ASB13: variants seen among roughly 807,000 people sequenced by gnomAD.
ASB13 encodes ankyrin repeat and SOCS box protein 13.
A neutral mutation model predicts 28.8 loss-of-function variants in ASB13; 33 were observed. The ratio of observed to expected loss-of-function variants is 1.15; its 90% CI spans 0.87 to 1.53. ASB13 has a LOEUF of 1.53. ASB13 is among the 40% of genes most tolerant of loss of function. The pLI is 0.00. For missense variants in ASB13, 414 were observed against 390.1 expected (o/e 1.06, Z -0.52); for synonymous variants, 182 against 172.9 (o/e 1.05, Z -0.41).
At position 5,651,827 on chromosome 10, in the gene ASB13, C is replaced by A. The variant is rs563265943; in HGVS notation, c.232-464G>T. Among the ~76,000 whole-genome samples the A allele has an allele frequency of 1.0e-3, 146 of 145,764 alleles. No homozygotes were observed. Among genetic ancestry groups the A allele is most frequent in the African/African-American group, 3.6e-3 (136 of 38,242 alleles). On this transcript the variant is annotated intron_variant, in intron 2 of 5. Coordinates refer to ENST00000357700, the MANE Select transcript of ASB13 (RefSeq NM_024701.4). The surrounding 1 kb of genome is among the most constrained non-coding windows in gnomAD (Gnocchi z 5.1). ...GACCAGCCTGGGCAACATGGCGAAA[C>A]CCTGTCTCTACAAAAAATACAAAAA...
rs1003289744 is a variant in ASB13, at chr10:5,645,550, C to G, written c.517+3420G>C. On this transcript the variant is annotated intron_variant, in intron 4 of 5. Transcript: ENST00000357700. The surrounding 1 kb of genome is among the most constrained non-coding windows in gnomAD (Gnocchi z 5.4). The stretch of plus-strand genomic sequence containing the variant: ...AGAACAAGAACAACGGTCTCCACGT[C>G]CCCCGTGGGGTGCAACGTGGCTCTG... Among the ~76,000 whole-genome samples, 1 of 152,200 alleles carries G rather than the reference C, an allele frequency of 6.6e-6. No homozygotes were observed. Among genetic ancestry groups the G allele is most frequent in the Non-Finnish European group, 1.5e-5 (1 of 68,036 alleles).
chr10:5,644,647 G>A lies in ASB13; in HGVS notation c.518-2686C>T, dbSNP rs1245252324. Among the ~76,000 whole-genome samples, 22 of 151,958 alleles carry A rather than the reference G, an allele frequency of 1.4e-4. No individual in the cohort carries two copies. The highest frequency in any genetic ancestry group is 1.2e-4 in the African/African-American group (5 of 41,360). On this transcript the variant is annotated intron_variant, in intron 4 of 5. Transcript: ENST00000357700. This position sits in a 1 kb window ranked among gnomAD's most constrained non-coding sequence, Gnocchi z 5.1. ...AGCCTAGCCAATATGGTGAAACCTC[G>A]TCTCTACTAAAAATCCAAAAATTAC...
Position 5,661,884 on chromosome 10 carries a change from T to C in ASB13, c.43+4625A>G, listed in dbSNP as rs942706203. Among the ~76,000 whole-genome samples the C allele has an allele frequency of 3.3e-5, 5 of 152,122 alleles. No homozygotes were observed. Among genetic ancestry groups the C allele is most frequent in the African/African-American group, 4.8e-5 (2 of 41,424 alleles). On this transcript the variant is annotated intron_variant, in intron 1 of 5. Transcript: ENST00000357700. The surrounding 1 kb of genome is among the most constrained non-coding windows in gnomAD (Gnocchi z 4.9). The stretch of plus-strand genomic sequence containing the variant: ...GAGTCTGGGGTCCTGGCTGCAGAAA[T>C]GTCATTTCTGCGTCAAAAACAACCA...
rs1176296412 is a variant in ASB13, at chr10:5,655,680, C to G, written c.44-2630G>C. Among the ~76,000 whole-genome samples, 1 of 152,194 alleles carries G rather than the reference C, an allele frequency of 6.6e-6. No homozygotes were observed. The highest frequency in any genetic ancestry group is 2.4e-5 in the African/African-American group (1 of 41,454). On this transcript the variant is annotated intron_variant, in intron 1 of 5. Transcript: ENST00000357700. The surrounding 1 kb of genome is among the most constrained non-coding windows in gnomAD (Gnocchi z 6.2). ...CCTCAGCCCCACCAGTAGTAATGAACAGTAACCCACTGCCCTCCTGAGGTT... is the reference window on the plus strand; with the variant it reads ...CCTCAGCCCCACCAGTAGTAATGAAGAGTAACCCACTGCCCTCCTGAGGTT...
In ASB13 at chr10:5,658,420, GA is replaced by G. The variant is rs140151394; in HGVS notation, c.44-5371del. ...CACTACGGCCTGGGTGACTTTGTCTGAAAAAAAAAAAAAAAACAAAACCAAA... is the reference window on the plus strand; with the variant it reads ...CACTACGGCCTGGGTGACTTTGTCTGAAAAAAAAAAAAAAACAAAACCAAA... On this transcript the variant is annotated intron_variant, in intron 1 of 5. Coordinates refer to ENST00000357700, the MANE Select transcript of ASB13 (RefSeq NM_024701.4). The surrounding 1 kb of genome is among the most constrained non-coding windows in gnomAD (Gnocchi z 4.2). Among the ~76,000 whole-genome samples, 12,740 of 131,518 alleles carry G rather than the reference GA, an allele frequency of 0.097. 539 individuals are homozygous for G. Among genetic ancestry groups the G allele is most frequent in the African/African-American group, 0.14 (4,882 of 33,752 alleles). 86.3% of individuals were successfully genotyped at this position (131,518 alleles called of 152,430 possible).
chr10:5,651,246 T>C lies in ASB13; in HGVS notation c.349A>G (p.Thr117Ala). 5 of 1,613,616 alleles carry C rather than the reference T, an allele frequency of 3.1e-6. No individual in the cohort carries two copies. Among genetic ancestry groups the C allele is most frequent in the Non-Finnish European group, 3.4e-6 (4 of 1,179,748 alleles). ...CAGGCCTCGTGCAGGGGGGACGCTG[T>C]GTACAGGGGAGGGTTGACCTTGGCC... The part of the protein sequence containing the change: ...YGAKVNPPLY[T>A]ASPLHEACMS... The change falls in exon 3 of 6, where the codon ACA (threonine) becomes GCA (alanine). Residue 117 changes from threonine (T) to alanine (A), a missense_variant. Thr to Ala is a moderately conservative substitution (Grantham distance 58, BLOSUM62 0). Transcript: ENST00000357700. The surrounding 1 kb of genome is among the most constrained non-coding windows in gnomAD (Gnocchi z 5.1).
At position 5,642,600 on chromosome 10, in the gene ASB13, G is replaced by A. The variant is rs1834826566; in HGVS notation, c.518-639C>T. 1.0e-6 allele frequency: 1 copy of A among 986,338 alleles called. No individual in the cohort carries two copies. Among genetic ancestry groups the A allele is most frequent in the African/African-American group, 1.7e-5 (1 of 57,748 alleles). 61.1% of individuals were successfully genotyped at this position (986,338 alleles called of 1,614,324 possible). A position where few individuals can be genotyped will look rare whatever the true frequency, so the allele number is the denominator to read the frequency against. On this transcript the variant is annotated intron_variant, in intron 4 of 5. Coordinates refer to ENST00000357700, the MANE Select transcript of ASB13 (RefSeq NM_024701.4). The surrounding 1 kb of genome is among the most constrained non-coding windows in gnomAD (Gnocchi z 4.1). ...AAAAAATTTTTTTTTAAAAAAAAGA[G>A]CAGACATTCAGAAAGATGCAAGGAA...
intron 1 of ASB13, 56 bp downstream of exon 1, chr10:5,666,453 G>A (rs1399111622): frequency 4.8e-6 from 6 of 1,257,444 alleles, no homozygotes; most frequent in Non-Finnish European, 6.0e-6. Flanking sequence ...ATACGCGGCC[G>A]GCCTCAGGAG....
Position 5,652,933 on chromosome 10 carries a change from G to A in ASB13, c.161C>T (p.Thr54Met), listed in dbSNP as rs764527518. 9 of 1,583,462 alleles carry A rather than the reference G, an allele frequency of 5.7e-6. No homozygotes were observed. The highest frequency in any genetic ancestry group is 2.3e-5 in the South Asian group (2 of 86,426). Residue 54 changes from threonine to methionine, a missense_variant, in exon 2 of 6, where the codon ACG (threonine) becomes ATG (methionine). Physicochemically the swap from Thr to Met is moderately conservative, Grantham distance 81 (BLOSUM62 -1). Coordinates refer to ENST00000357700, the MANE Select transcript of ASB13 (RefSeq NM_024701.4). The surrounding 1 kb of genome is among the most constrained non-coding windows in gnomAD (Gnocchi z 5.0). ...CTGCAGACTGGCTGCGTGCAGGGGC[G>A]TGATGGAGTCCACGGTGACCTGGTT... ...CVNQVTVDSI[T>M]PLHAASLQGQ...
In ASB13 at chr10:5,640,653, G is replaced by A; in HGVS notation, c.*50C>T. 6.2e-7 allele frequency: 1 copy of A among 1,610,834 alleles called. No individual in the cohort carries two copies. The highest frequency in any genetic ancestry group is 1.1e-5 in the South Asian group (1 of 90,902). ...AGGAACAGGCAGAGCCCTCACCCGGGCAATGCTGGGCACAACGGGGGCAGC... is the reference window on the plus strand; with the variant it reads ...AGGAACAGGCAGAGCCCTCACCCGGACAATGCTGGGCACAACGGGGGCAGC... On this transcript the variant is annotated 3_prime_UTR_variant, in exon 6 of 6. Transcript: ENST00000357700.
chr10:5,658,914 C>T lies in ASB13; in HGVS notation c.44-5864G>A, dbSNP rs895340891. 1.3e-5 allele frequency among the ~76,000 whole-genome samples: 2 copies of T among 152,104 alleles called. No individual in the cohort carries two copies. Among genetic ancestry groups the T allele is most frequent in the Admixed American group, 1.3e-4 (2 of 15,272 alleles). ...CCTGACACCCCCAAACCACCGATGG[C>T]CCTTCCAGGGGGCGAAGAGACCCAC... is the stretch of plus-strand genomic sequence containing the variant. On this transcript the variant is annotated intron_variant, in intron 1 of 5. Transcript: ENST00000357700. This position sits in a 1 kb window ranked among gnomAD's most constrained non-coding sequence, Gnocchi z 4.2.
In ASB13 at chr10:5,641,574, GC is replaced by G. The variant is rs1162040688; in HGVS notation, c.709+195del. On this transcript the variant is annotated intron_variant, in intron 5 of 5. Coordinates refer to ENST00000357700, the MANE Select transcript of ASB13 (RefSeq NM_024701.4). This position sits in a 1 kb window ranked among gnomAD's most constrained non-coding sequence, Gnocchi z 8.4. The stretch of plus-strand genomic sequence containing the variant: ...CAGCTTCTGCTGCTCCACGCCACGG[GC>G]CACAGGGAACCCAGGGAGAGCTGGG... 6.6e-6 allele frequency among the ~76,000 whole-genome samples: 1 copy of G among 152,106 alleles called. No individual in the cohort carries two copies. The highest frequency in any genetic ancestry group is 1.5e-5 in the Non-Finnish European group (1 of 68,006).
At chr10:5,662,541 GA>G (rs780966208) in intron 1 of ASB13, among the ~76,000 whole-genome samples, 914 of 27,182 alleles carry the variant, frequency 0.034, 22 homozygotes, top group Non-Finnish European at 0.048. Context: ...AAGGGGGGGG[GA>G]GGGGAGGGGA....
At chr10:5,657,136 G>A (rs893114844) in intron 1 of ASB13, among the ~76,000 whole-genome samples, 1 of 152,128 alleles carries the variant, frequency 6.6e-6, no homozygotes, top group Non-Finnish European at 1.5e-5. Flanking sequence ...ATCAGCTGCT[G>A]TAGTCTTACT....
chr10:5,662,244 C>T (rs1188745963), intron 1 of ASB13, among the ~76,000 whole-genome samples: 1 of 151,950 alleles, frequency 6.6e-6, no homozygotes, highest in Non-Finnish European at 1.5e-5. Flanking sequence ...ATGGGCTGGG[C>T]GCAGTGGCTC....
intron 4 of ASB13, among the ~76,000 whole-genome samples, chr10:5,646,469 T>A (rs1834887625): frequency 6.6e-6 from 1 of 152,178 alleles, no homozygotes; most frequent in Non-Finnish European, 1.5e-5. Flanking sequence ...CGTGTAGGCC[T>A]GAAGCCACTG....
rs1027230917 is a variant in ASB13, at chr10:5,664,368, T to C, written c.43+2141A>G. On this transcript the variant is annotated intron_variant, in intron 1 of 5. Coordinates refer to ENST00000357700, the MANE Select transcript of ASB13 (RefSeq NM_024701.4). This position sits in a 1 kb window ranked among gnomAD's most constrained non-coding sequence, Gnocchi z 4.2. The stretch of plus-strand genomic sequence containing the variant: ...ACCTGAGGGGCCTAAGAAGACTGTC[T>C]GGGGATAAATTAGGGATTAGGCATG... Among the ~76,000 whole-genome samples the C allele has an allele frequency of 6.6e-6, 1 of 151,852 alleles. No homozygotes were observed. The highest frequency in any genetic ancestry group is 1.5e-5 in the Non-Finnish European group (1 of 67,976).
rs1236072425 is a variant in ASB13, at chr10:5,658,508, T to C, written c.44-5458A>G. Among the ~76,000 whole-genome samples the C allele has an allele frequency of 6.6e-6, 1 of 151,774 alleles. No individual in the cohort carries two copies. The highest frequency in any genetic ancestry group is 1.9e-4 in the East Asian group (1 of 5,166). On this transcript the variant is annotated intron_variant, in intron 1 of 5. Coordinates refer to ENST00000357700, the MANE Select transcript of ASB13 (RefSeq NM_024701.4). The surrounding 1 kb of genome is among the most constrained non-coding windows in gnomAD (Gnocchi z 4.2). The stretch of plus-strand genomic sequence containing the variant: ...CACTTATGTGAGGTCCCTCGAGTAG[T>C]CAAATTCATGGAGATGGAAAGTAGA...
rs1361943842 is a variant in ASB13 at position 5,655,129 on chromosome 10, C to T, written c.44-2079G>A. Among the ~76,000 whole-genome samples the T allele has an allele frequency of 1.3e-5, 2 of 151,882 alleles. No homozygotes were observed. The highest frequency in any genetic ancestry group is 2.9e-5 in the Non-Finnish European group (2 of 67,982). On this transcript the variant is annotated intron_variant, in intron 1 of 5. Coordinates refer to ENST00000357700, the MANE Select transcript of ASB13 (RefSeq NM_024701.4). The surrounding 1 kb of genome is among the most constrained non-coding windows in gnomAD (Gnocchi z 6.2). ...AAAAAAAAAAAAAAAGTGTCTGCATCGAATTTCCTCTGCAGGTGGGTAGCC... is the reference window on the plus strand; with the variant it reads ...AAAAAAAAAAAAAAAGTGTCTGCATTGAATTTCCTCTGCAGGTGGGTAGCC...
Sources: allele counts gnomAD v4.1 joint callset (sites outside exome capture counted in the v4.1 genomes callset), GRCh38; gene constraint gnomAD v4.1.1; non-coding constraint Gnocchi (gnomAD v3.1); transcripts MANE v1.5; gene names NCBI Gene and HGNC (gene_info 2026-07-23, HGNC 2026-07-21).